CCDC141: variants seen among roughly 807,000 people sequenced by gnomAD.
CCDC141 encodes the protein coiled-coil domain containing 141, also known as coiled-coil domain-containing protein 141.
A neutral mutation model predicts 181.0 loss-of-function variants in CCDC141; 168 were observed. The ratio of observed to expected loss-of-function variants is 0.93; its 90% confidence interval spans 0.82 to 1.05. The LOEUF is 1.05. Among genes scored for constraint, CCDC141 ranks in the 50% least tolerant of loss-of-function variants. The pLI is 0.00. For missense variants in CCDC141, 1,902 were observed against 1,788.5 expected, an observed-to-expected ratio of 1.06 and a Z score of -1.14; for synonymous variants, 666 against 642.3, an observed-to-expected ratio of 1.04 and a Z score of -0.56.
intron 8 of CCDC141, among the ~76,000 whole-genome samples, chr2:178,903,730 C>T (rs1032071376): frequency 4.0e-5 from 6 of 150,058 alleles, no homozygotes; most frequent in Non-Finnish European, 8.9e-5. Context: ...ACATTGTGCA[C>T]ATGTACCCTA....
chr2:178,826,171 G>A (rs1463379951), downstream of CCDC141, among the ~76,000 whole-genome samples: 1 of 152,082 alleles, frequency 6.6e-6, no homozygotes, highest in African/African-American at 2.4e-5. Context: ...TGTTATTTCT[G>A]CATCAATTGA....
chr2:178,855,304 A>T, intron 19 of CCDC141, 43 bp downstream of exon 19: 1 of 1,533,278 alleles, frequency 6.5e-7, no homozygotes, highest in Non-Finnish European at 8.8e-7. Flanking sequence ...ATGATTTTTG[A>T]AAACAACATT....
chr2:178,900,948 T>A (rs1687657838), intron 8 of CCDC141, among the ~76,000 whole-genome samples: 1 of 152,162 alleles, frequency 6.6e-6, no homozygotes, highest in Admixed American at 6.6e-5. Context: ...ATGATTGCAT[T>A]AGTTCATTGC....
At chr2:179,034,421 G>A (rs562346218) in intron 2 of CCDC141, among the ~76,000 whole-genome samples, 6 of 152,248 alleles carry the variant, frequency 3.9e-5, no homozygotes, top group African/African-American at 1.4e-4. Context: ...CTTGGATGAT[G>A]AAATAATCTG....
intron 2 of CCDC141, among the ~76,000 whole-genome samples, chr2:178,979,645 G>T (rs1322317257): frequency 6.6e-6 from 1 of 152,118 alleles, no homozygotes; most frequent in East Asian, 1.9e-4. Flanking sequence ...GCTATATCAG[G>T]CAAAGACAGA....
At chr2:178,990,333 G>A (rs1420675118) in intron 2 of CCDC141, among the ~76,000 whole-genome samples, 1 of 151,422 alleles carries the variant, frequency 6.6e-6, no homozygotes, top group Non-Finnish European at 1.5e-5. Context: ...ATGCTCCTAG[G>A]CATATATCCA....
At chr2:178,985,830 G>T (rs1214127534) in intron 2 of CCDC141, among the ~76,000 whole-genome samples, 39 of 151,966 alleles carry the variant, frequency 2.6e-4, no homozygotes, top group Non-Finnish European at 4.3e-4. Context: ...AATCAATAGT[G>T]TACCAACCAA....
chr2:179,021,712 T>C (rs2042696184), intron 2 of CCDC141, among the ~76,000 whole-genome samples: 2 of 152,170 alleles, frequency 1.3e-5, no homozygotes, highest in African/African-American at 4.8e-5. Context: ...AATCAGTCCA[T>C]TTGGATTTAA....
At chr2:178,949,962 T>C (rs1336178080) in intron 5 of CCDC141, among the ~76,000 whole-genome samples, 1 of 152,250 alleles carries the variant, frequency 6.6e-6, no homozygotes, top group Non-Finnish European at 1.5e-5. Flanking sequence ...TGCAATTTGT[T>C]CTACAATATG....
chr2:179,032,024 T>C (rs1043445120), intron 2 of CCDC141, among the ~76,000 whole-genome samples: 4 of 152,114 alleles, frequency 2.6e-5, no homozygotes, highest in Non-Finnish European at 5.9e-5. Flanking sequence ...CTATACAATA[T>C]GAGTTATAGA....
In CCDC141 at chr2:179,030,177, C is replaced by A. The variant is rs191874545; in HGVS notation, c.225+17107G>T. 2.0e-5 allele frequency among the ~76,000 whole-genome samples: 3 copies of A among 152,086 alleles called. No individual in the cohort carries two copies. In the East Asian group the frequency reaches 5.8e-4, roughly 29 times the overall value. ...TCTACAACCACAAATGAAAATTAGT[C>A]ATATGTGAAATATTTATAAATAAAT... On this transcript the variant is annotated intron_variant, in intron 2 of 23. Transcript: ENST00000443758.
the CCDC141 span, among the ~76,000 whole-genome samples, chr2:178,823,685 CT>C: frequency 1.3e-5 from 2 of 151,994 alleles, no homozygotes; most frequent in Non-Finnish European, 2.9e-5. Context: ...AGAAATAATT[CT>C]TTTTGGTTTG....
chr2:178,927,030 G>A (rs566925894), intron 6 of CCDC141, among the ~76,000 whole-genome samples: 2 of 152,146 alleles, frequency 1.3e-5, no homozygotes, highest in African/African-American at 4.8e-5. Context: ...TGTAAAATTT[G>A]TGTAACTATA....
intron 23 of CCDC141, among the ~76,000 whole-genome samples, chr2:178,835,329 A>C (rs1684433767): frequency 6.6e-6 from 1 of 152,224 alleles, no homozygotes. Context: ...CTAATTATAA[A>C]AGGTATTTAT....
the CCDC141 span, among the ~76,000 whole-genome samples, chr2:178,817,326 T>C: frequency 6.6e-6 from 1 of 152,214 alleles, no homozygotes; most frequent in Non-Finnish European, 1.5e-5. Flanking sequence ...GAATAAATAT[T>C]TCATTCATTT....
At chr2:178,957,747 C>T (rs1189353695) in intron 5 of CCDC141, among the ~76,000 whole-genome samples, 1 of 152,098 alleles carries the variant, frequency 6.6e-6, no homozygotes, top group Non-Finnish European at 1.5e-5. Flanking sequence ...TTTTTTGAGA[C>T]AGAGTCTTGC....
the CCDC141 span, among the ~76,000 whole-genome samples, chr2:178,818,083 G>C: frequency 5.9e-5 from 9 of 152,110 alleles, no homozygotes; most frequent in African/African-American, 2.2e-4. Context: ...GATTACAGGC[G>C]TGAGCCACCG....
intron 8 of CCDC141, 99 bp downstream of exon 8, chr2:178,905,230 A>C: frequency 1.8e-6 from 2 of 1,140,162 alleles, no homozygotes; most frequent in Non-Finnish European, 2.4e-6. Context: ...GCAGCAAAAC[A>C]TCAGAACCAG....
intron 21 of CCDC141, among the ~76,000 whole-genome samples, chr2:178,848,473 T>C (rs1685030325): frequency 6.6e-6 from 1 of 152,088 alleles, no homozygotes; most frequent in Non-Finnish European, 1.5e-5. Context: ...AGAATCCAAG[T>C]GACAGGTTGA....
Sources: allele counts gnomAD v4.1 joint callset (sites outside exome capture counted in the v4.1 genomes callset), GRCh38; gene constraint gnomAD v4.1.1; transcripts MANE v1.5; gene names NCBI Gene and HGNC (gene_info 2026-07-23, HGNC 2026-07-21).